The following CARS2 variants were observed in gnomAD, a reference collection of about 807,000 sequenced individuals.
CARS2 encodes probable cysteine--tRNA ligase, mitochondrial.
A neutral mutation model predicts 68.8 loss-of-function variants in CARS2; 52 were observed. That is an observed-to-expected ratio of 0.76 (90% CI 0.61 to 0.95). The LOEUF is 0.95. CARS2 is among the 40% of genes least tolerant of loss of function. The pLI is 0.00. For synonymous variants in CARS2, 314 were observed against 303.6 expected, an observed-to-expected ratio of 1.03 and a Z score of -0.36; for missense variants, 780 against 754.2, an observed-to-expected ratio of 1.03 and a Z score of -0.40.
At chr13:110,700,911 G>A (rs1385665265) in intron 3 of CARS2, among the ~76,000 whole-genome samples, 1 of 152,188 alleles carries the variant, frequency 6.6e-6, no homozygotes, top group East Asian at 1.9e-4. Flanking sequence ...AAAGCCTTCA[G>A]CGATCACAAT....
At chr13:110,644,638 C>G (rs1887846091) in intron 12 of CARS2, 155 bp from the exon 13 acceptor site, 1 of 1,311,440 alleles carries the variant, frequency 7.6e-7, no homozygotes, top group African/African-American at 1.5e-5. Flanking sequence ...CTGGCATCGG[C>G]TACCTCACTG....
chr13:110,659,858 G>C (rs2062458503), intron 9 of CARS2, among the ~76,000 whole-genome samples: 2 of 152,132 alleles, frequency 1.3e-5, no homozygotes, highest in Non-Finnish European at 2.9e-5. Flanking sequence ...GAGTTACTGT[G>C]GCAATTTCTT....
intron 2 of CARS2, among the ~76,000 whole-genome samples, chr13:110,704,613 A>G (rs1403888150): frequency 5.3e-5 from 8 of 152,002 alleles, no homozygotes; most frequent in Admixed American, 5.2e-4. Flanking sequence ...AATCCCAGCT[A>G]CTCCGGAGGC....
intron 14 of CARS2, among the ~76,000 whole-genome samples, chr13:110,642,069 T>C (rs552756566): frequency 1.3e-5 from 2 of 151,632 alleles, no homozygotes; most frequent in Admixed American, 6.6e-5. Context: ...AGCATGGGAG[T>C]GCATGCCTGT....
chr13:110,678,414 G>A (rs796902057), intron 6 of CARS2, among the ~76,000 whole-genome samples: 29 of 152,242 alleles, frequency 1.9e-4, no homozygotes, highest in African/African-American at 6.5e-4. Context: ...TGTGCACAAC[G>A]TCCCAATATC....
chr13:110,680,163 G>C (rs983067191), intron 6 of CARS2, among the ~76,000 whole-genome samples: 11 of 56,606 alleles, frequency 1.9e-4, no homozygotes, highest in Admixed American at 5.9e-4. Context: ...GGGGGGGGGG[G>C]GGTGGATCAC....
chr13:110,654,291 G>A (rs2062304766), intron 9 of CARS2, among the ~76,000 whole-genome samples: 1 of 152,220 alleles, frequency 6.6e-6, no homozygotes, highest in Admixed American at 6.5e-5. Flanking sequence ...CATTATCTGA[G>A]CTCCAGGGTT....
chr13:110,674,912 AC>A (rs1566699585), intron 7 of CARS2, among the ~76,000 whole-genome samples: 1 of 152,236 alleles, frequency 6.6e-6, no homozygotes, highest in Non-Finnish European at 1.5e-5. Flanking sequence ...ATGAACAGAC[AC>A]TTCTCAAAAG....
intron 8 of CARS2, 31 bp downstream of exon 8, chr13:110,667,309 C>A (rs900440113): frequency 1.3e-6 from 2 of 1,585,150 alleles, no homozygotes; most frequent in African/African-American, 2.7e-5. Flanking sequence ...AGAATTGAAA[C>A]AGAACAAATT....
At chr13:110,711,378 A>G (rs2064026149), upstream of CARS2, among the ~76,000 whole-genome samples, 1 of 152,080 alleles carries the variant, frequency 6.6e-6, no homozygotes, top group African/African-American at 2.4e-5. Context: ...ATGCCCTGCT[A>G]ATTTTTTGTA....
intron 3 of CARS2, among the ~76,000 whole-genome samples, chr13:110,694,166 A>G (rs1223060754): frequency 1.3e-5 from 2 of 151,886 alleles, no homozygotes; most frequent in Admixed American, 6.6e-5. Context: ...AGCTGGGATT[A>G]CAGGCATGCA....
chr13:110,672,312 G>A (rs941735801), intron 7 of CARS2, among the ~76,000 whole-genome samples: 6 of 152,182 alleles, frequency 3.9e-5, no homozygotes, highest in Non-Finnish European at 8.8e-5. Context: ...CACATATTTG[G>A]AAGTAAAGCA....
chr13:110,681,545 T>G (rs2063156557), intron 6 of CARS2, among the ~76,000 whole-genome samples: 2 of 152,230 alleles, frequency 1.3e-5, no homozygotes, highest in South Asian at 2.1e-4. Context: ...CTGGGCAGTT[T>G]CTGACACAAA....
At chr13:110,658,956 C>T (rs965829820) in intron 9 of CARS2, among the ~76,000 whole-genome samples, 6 of 151,874 alleles carry the variant, frequency 4.0e-5, no homozygotes, top group African/African-American at 1.5e-4. Flanking sequence ...GAAAAACAGA[C>T]TACAGACTAG....
intron 10 of CARS2, chr13:110,648,782 G>A (rs2062117242): frequency 6.6e-6 from 1 of 152,196 alleles, no homozygotes; most frequent in Non-Finnish European, 1.5e-5. Flanking sequence ...GCTTGAGAAA[G>A]CCTCTTTTCA....
intron 6 of CARS2, among the ~76,000 whole-genome samples, chr13:110,678,841 G>A (rs9588238): frequency 2.0e-5 from 3 of 152,092 alleles, no homozygotes; most frequent in Non-Finnish European, 4.4e-5. Context: ...ACGGTGGGAG[G>A]GGGGAAGAGT....
At chr13:110,641,875 C>A (rs532230802) in intron 14 of CARS2, among the ~76,000 whole-genome samples, 1 of 152,328 alleles carries the variant, frequency 6.6e-6, no homozygotes, top group Non-Finnish European at 1.5e-5. Flanking sequence ...CACGGCCCTC[C>A]CACCTCATTT....
At chr13:110,669,101 G>A (rs2062731135) in intron 7 of CARS2, among the ~76,000 whole-genome samples, 1 of 152,058 alleles carries the variant, frequency 6.6e-6, no homozygotes, top group Non-Finnish European at 1.5e-5. Context: ...CAGGGTTTGA[G>A]GTCTGAGGAA....
At chr13:110,657,290 G>T (rs1311233926) in intron 9 of CARS2, among the ~76,000 whole-genome samples, 1 of 152,204 alleles carries the variant, frequency 6.6e-6, no homozygotes, top group Non-Finnish European at 1.5e-5. Context: ...TCTGACCCCT[G>T]AAAAAGCGTA....
Sources: allele counts gnomAD v4.1 joint callset (sites outside exome capture counted in the v4.1 genomes callset), GRCh38; gene constraint gnomAD v4.1.1; transcripts MANE v1.5; gene names NCBI Gene and HGNC (gene_info 2026-07-23, HGNC 2026-07-21).